PHF14: variants seen among roughly 807,000 people sequenced by gnomAD.
The protein encoded by PHF14 is PHD finger protein 14.
In PHF14, 55 loss-of-function variants were observed where a neutral mutation model predicts 117.9. That is an observed-to-expected ratio of 0.47 (90% CI 0.38 to 0.58). The LOEUF (loss-of-function observed/expected upper bound fraction) is 0.58, where lower values mean the gene tolerates loss of function less well. Ranked by LOEUF, PHF14 falls within the 20% of genes least tolerant of loss-of-function variation. The probability of loss-of-function intolerance (pLI) is 0.00; values close to 1 mark genes in which losing one functional copy is unlikely to be tolerated. For synonymous variants in PHF14, 409 were observed against 368.6 expected, an observed-to-expected ratio of 1.11 and a Z score of -1.26; for missense variants, 978 against 1,122.2, an observed-to-expected ratio of 0.87 and a Z score of 1.84.
At chr7:11,039,272 T>G (rs1455703629) in intron 11 of PHF14, among the ~76,000 whole-genome samples, 2 of 152,094 alleles carry the variant, frequency 1.3e-5, no homozygotes, top group Admixed American at 6.6e-5. Flanking sequence ...AATTTAAAAT[T>G]AAAAAAGGCA....
At chr7:11,159,244 A>G (rs890896940) in intron 17 of PHF14, among the ~76,000 whole-genome samples, 2 of 151,980 alleles carry the variant, frequency 1.3e-5, no homozygotes, top group Non-Finnish European at 2.9e-5. Flanking sequence ...CATTTATATA[A>G]ATTCTATTTG....
At chr7:11,086,766 T>C (rs1311160407) in intron 16 of PHF14, among the ~76,000 whole-genome samples, 2 of 152,158 alleles carry the variant, frequency 1.3e-5, no homozygotes, top group Non-Finnish European at 1.5e-5. Context: ...TAGATTGGAA[T>C]GGTAGTTTTT....
Position 11,169,426 on chromosome 7 carries a change from A to G in PHF14, c.2783A>G (p.Asn928Ser), listed in dbSNP as rs777060791. 2 of 1,457,100 alleles carry G rather than the reference A, an allele frequency of 1.4e-6. No individual in the cohort carries two copies. Among genetic ancestry groups the G allele is most frequent in the Admixed American group, 4.1e-5 (2 of 48,510 alleles). 90.3% of individuals were successfully genotyped at this position (1,457,100 alleles called of 1,614,324 possible). Residue 928 changes from asparagine to serine, a missense_variant, in exon 18 of 18, where the codon AAT becomes AGT. Physicochemically the swap from Asn to Ser is conservative, Grantham distance 46 (BLOSUM62 1). Transcript: ENST00000634607. ...CDSSSSKEDE[N>S]EAERKNISQE... is the part of the protein sequence containing the mutation. Reference sequence around the variant, plus strand: ...AAATTTATTTCACAGGAAGATGAAAATGAAGCTGAAAGAAAAAATATATCT... The same window carrying G: ...AAATTTATTTCACAGGAAGATGAAAGTGAAGCTGAAAGAAAAAATATATCT...
intron 14 of PHF14, chr7:11,061,191 G>T (rs754029680): frequency 3.3e-5 from 5 of 152,100 alleles, no homozygotes; most frequent in African/African-American, 9.7e-5. Context: ...TCTTTCAAAT[G>T]GTAAATGTAT....
chr7:11,034,589 C>T (rs1425714731), intron 7 of PHF14, among the ~76,000 whole-genome samples: 1 of 128,258 alleles, frequency 7.8e-6, no homozygotes, highest in Non-Finnish European at 1.6e-5. Flanking sequence ...CGCTCTGTCA[C>T]CCAGGCTGGA....
chr7:11,075,375 G>A (rs4720933), intron 16 of PHF14, among the ~76,000 whole-genome samples: 2,050 of 152,204 alleles, frequency 0.013, 37 homozygotes, highest in African/African-American at 0.047. Context: ...TCTGCCGGCT[G>A]TACAAGCAGC....
chr7:10,984,316 A>T lies in PHF14; in HGVS notation c.900+1157A>T, dbSNP rs73279409. 3.6e-3 allele frequency among the ~76,000 whole-genome samples: 552 copies of T among 152,294 alleles called. 2 individuals are homozygous for T. The highest frequency in any genetic ancestry group is 0.013 in the African/African-American group (537 of 41,586). ...AGATGAGACAGCAGTTTATATTTGG[A>T]TTATAAACATTGGTTAACTTCTGAA... On this transcript the variant is annotated intron_variant, in intron 3 of 17. Coordinates refer to ENST00000634607, the MANE Select transcript of PHF14 (RefSeq NM_001007157.2).
chr7:11,028,952 A>G (rs1286594863), intron 7 of PHF14, 134 bp downstream of exon 7: 1 of 735,002 alleles, frequency 1.4e-6, no homozygotes. Flanking sequence ...TCACTGTTCT[A>G]AAACTTTAAG....
intron 16 of PHF14, among the ~76,000 whole-genome samples, chr7:11,082,848 A>G (rs1786203751): frequency 1.3e-5 from 2 of 152,090 alleles, no homozygotes; most frequent in Admixed American, 6.5e-5. Context: ...CAAATAGCCT[A>G]TTAATCCTTT....
intron 16 of PHF14, chr7:11,106,351 T>C (rs1463177142): frequency 1.0e-6 from 1 of 980,590 alleles, no homozygotes; most frequent in African/African-American, 1.8e-5. Context: ...GTGGTATTAA[T>C]GAAATAGGTT....
intron 16 of PHF14, among the ~76,000 whole-genome samples, chr7:11,100,177 ATGAAATAGACATT>A (rs1562466191): frequency 6.6e-6 from 1 of 152,084 alleles, no homozygotes; most frequent in Non-Finnish European, 1.5e-5. Context: ...CTTTGGACAT[ATGAAATAGACATT>A]TGAAATAGAC....
intron 4 of PHF14, among the ~76,000 whole-genome samples, chr7:11,001,388 C>T (rs1176980519): frequency 6.6e-6 from 1 of 151,860 alleles, no homozygotes; most frequent in African/African-American, 2.4e-5. Flanking sequence ...GGTTTTTTGC[C>T]TCTCCATGTA....
At chr7:11,011,921 C>G (rs556818613) in intron 4 of PHF14, among the ~76,000 whole-genome samples, 1 of 152,296 alleles carries the variant, frequency 6.6e-6, no homozygotes, top group Admixed American at 6.5e-5. Flanking sequence ...ATGAAATACT[C>G]TCTCAGAACT....
At chr7:11,028,430 T>C (rs1176901291) in intron 6 of PHF14, among the ~76,000 whole-genome samples, 1 of 152,208 alleles carries the variant, frequency 6.6e-6, no homozygotes, top group East Asian at 1.9e-4. Flanking sequence ...CCTCAAATAA[T>C]TTTAATTATG....
intron 16 of PHF14, chr7:11,109,401 C>G (rs182688891): frequency 7.5e-4 from 110 of 147,304 alleles, no homozygotes; most frequent in African/African-American, 2.6e-3. Flanking sequence ...CCTGAGATGA[C>G]AAATATAAAT....
intron 17 of PHF14, among the ~76,000 whole-genome samples, chr7:11,144,259 T>C (rs763544428): frequency 9.2e-5 from 14 of 152,102 alleles, no homozygotes; most frequent in Non-Finnish European, 1.3e-4. Context: ...TTGTATACTG[T>C]TGGTGGTAAT....
chr7:11,157,312 A>G (rs1445581073), intron 17 of PHF14, among the ~76,000 whole-genome samples: 1 of 152,164 alleles, frequency 6.6e-6, no homozygotes, highest in Non-Finnish European at 1.5e-5. Flanking sequence ...TATGAGTCAA[A>G]GGACTAAATG....
intron 4 of PHF14, among the ~76,000 whole-genome samples, chr7:11,003,085 C>G (rs560817228): frequency 6.6e-6 from 1 of 152,098 alleles, no homozygotes; most frequent in Non-Finnish European, 1.5e-5. Context: ...GGATTACAGG[C>G]GTGTGCCACC....
chr7:11,009,687 A>C (rs1221743850), intron 4 of PHF14, among the ~76,000 whole-genome samples: 1 of 152,234 alleles, frequency 6.6e-6, no homozygotes. Flanking sequence ...ATGACAGAGA[A>C]ATATGGGATA....
Sources: gnomAD v4.1 joint callset for allele counts (sites outside exome capture counted in the v4.1 genomes callset) on GRCh38, gnomAD v4.1.1 for gene constraint, MANE v1.5 for transcripts, NCBI Gene and HGNC (gene_info 2026-07-23, HGNC 2026-07-21) for gene names.